SLC38A6: variants seen among roughly 807,000 people sequenced by gnomAD.
SLC38A6 encodes the protein N system amino acid transporter NAT-1.
SLC38A6 carries 73 observed loss-of-function variants against 65.0 expected under a neutral mutation model. That is an observed-to-expected ratio of 1.12 (90% CI 0.93 to 1.37). The LOEUF (loss-of-function observed/expected upper bound fraction) is 1.37. SLC38A6 is among the 40% of genes most tolerant of loss of function. The probability of loss-of-function intolerance (pLI) is 0.00; values close to 1 mark genes in which losing one functional copy is unlikely to be tolerated. For missense variants in SLC38A6, 561 were observed against 531.1 expected, an observed-to-expected ratio of 1.06 and a Z score of -0.55; for synonymous variants, 183 against 178.8, an observed-to-expected ratio of 1.02 and a Z score of -0.19.
chr14:60,997,275 C>T (rs942568820), intron 3 of SLC38A6, among the ~76,000 whole-genome samples: 3 of 152,180 alleles, frequency 2.0e-5, no homozygotes, highest in Admixed American at 6.5e-5. Flanking sequence ...CCTCAGCCTC[C>T]TGAGTAGCTG....
intron 1 of SLC38A6, chr14:60,982,242 A>G: frequency 1.9e-6 from 1 of 514,280 alleles, no homozygotes; most frequent in South Asian, 1.5e-5. Flanking sequence ...TGCAGTCACA[A>G]GGTTAGTCAT....
At chr14:61,044,174 CT>C (rs551556072) in intron 10 of SLC38A6, among the ~76,000 whole-genome samples, 19 of 152,190 alleles carry the variant, frequency 1.2e-4, no homozygotes, top group Non-Finnish European at 1.6e-4. Context: ...TTTGTCTATA[CT>C]TTCTGACTCT....
At position 61,009,334 on chromosome 14, in the gene SLC38A6, C is replaced by G. The variant is rs148121755; in HGVS notation, c.311-6570C>G. Among the ~76,000 whole-genome samples, 773 of 152,194 alleles carry G rather than the reference C, an allele frequency of 5.1e-3. 12 individuals are homozygous for G. Among genetic ancestry groups the G allele is most frequent in the African/African-American group, 0.017 (724 of 41,534 alleles). On this transcript the variant is annotated intron_variant, in intron 3 of 15. Transcript: ENST00000267488. ...AAAATTACATCAATCTGCATGTTGA[C>G]ATTGTTTACCTTATATTGATTAGAA...
At chr14:61,027,820 C>T (rs2040693902) in intron 5 of SLC38A6, among the ~76,000 whole-genome samples, 1 of 151,746 alleles carries the variant, frequency 6.6e-6, no homozygotes, top group Non-Finnish European at 1.5e-5. Flanking sequence ...TGGTGGTGGC[C>T]TTTGTTTTAC....
intron 3 of SLC38A6, among the ~76,000 whole-genome samples, chr14:60,996,999 A>G (rs988787594): frequency 6.6e-6 from 1 of 152,220 alleles, no homozygotes; most frequent in Non-Finnish European, 1.5e-5. Context: ...TATACCCTTT[A>G]CCAAAGTTAG....
intron 3 of SLC38A6, among the ~76,000 whole-genome samples, chr14:61,014,960 G>A (rs563529885): frequency 2.0e-5 from 3 of 152,288 alleles, no homozygotes; most frequent in East Asian, 3.9e-4. Flanking sequence ...CCTTTTGTTT[G>A]GCTATGCCCT....
At chr14:61,016,242 G>A (rs2040000411) in intron 4 of SLC38A6, among the ~76,000 whole-genome samples, 1 of 152,132 alleles carries the variant, frequency 6.6e-6, no homozygotes, top group African/African-American at 2.4e-5. Context: ...ACGATGACCT[G>A]TTTTAAGTTG....
At position 61,052,116 on chromosome 14, in the gene SLC38A6, T is replaced by G. The variant is rs1194692146; in HGVS notation, c.1271T>G (p.Leu424Arg). 6.4e-7 allele frequency: 1 copy of G among 1,564,008 alleles called. No homozygotes were observed. Among genetic ancestry groups the G allele is most frequent in the Non-Finnish European group, 8.6e-7 (1 of 1,166,358 alleles). ...FYLKLSREDFLSWKKLGAFVL... is the reference protein window; with the variant it reads ...FYLKLSREDFRSWKKLGAFVL... ...CTTAAACTTAGCAGAGAGGATTTTC[T>G]GTCATGGAAAAAGCTTGGGGTAGGT... Residue 424 changes from leucine to arginine, a missense_variant, in exon 15 of 16, where the codon CTG becomes CGG. Physicochemically the swap from Leu to Arg is moderately radical, Grantham distance 102. Transcript: ENST00000267488.
chr14:61,075,227 T>C (rs1182662570), intron 15 of SLC38A6, among the ~76,000 whole-genome samples: 1 of 152,360 alleles, frequency 6.6e-6, no homozygotes, highest in East Asian at 1.9e-4. Flanking sequence ...TGCCTGTCTC[T>C]GTCTCCTGAA....
At chr14:61,035,635 A>G (rs2041304798) in intron 6 of SLC38A6, among the ~76,000 whole-genome samples, 1 of 152,174 alleles carries the variant, frequency 6.6e-6, no homozygotes, top group Non-Finnish European at 1.5e-5. Context: ...TATGAAGTCC[A>G]GTTGTGCCAC....
At position 61,052,050 on chromosome 14, in the gene SLC38A6, C is replaced by A. The variant is rs952846667; in HGVS notation, c.1205C>A (p.Thr402Lys). 1.3e-6 allele frequency: 2 copies of A among 1,596,458 alleles called. No homozygotes were observed. The highest frequency in any genetic ancestry group is 1.7e-6 in the Non-Finnish European group (2 of 1,175,072). ...TCCCTCCACTTTAAAGGTGCCAGTA[C>A]ATCAACATGTTTGATTTTTATATTC... ...RNVFGVVGAS[T>K]STCLIFIFPG... Residue 402 changes from threonine (T) to lysine (K), a missense_variant, in exon 15 of 16, where the codon ACA (threonine) becomes AAA (lysine). Coordinates refer to ENST00000267488, the MANE Select transcript of SLC38A6 (RefSeq NM_153811.3).
chr14:60,981,497 T>G, intron 1 of SLC38A6, 115 bp downstream of exon 1: 1 of 1,535,698 alleles, frequency 6.5e-7, no homozygotes, highest in Non-Finnish European at 8.7e-7. Flanking sequence ...TGCTGGAGCC[T>G]GAACCCTGGG....
chr14:61,048,353 G>T (rs891644334), intron 12 of SLC38A6: 6 of 331,530 alleles, frequency 1.8e-5, no homozygotes, highest in Non-Finnish European at 3.6e-5. Context: ...GATAATCTTT[G>T]TAAACTTAAT....
chr14:61,081,950 A>C (rs2043668977), intron 16 of SLC38A6, among the ~76,000 whole-genome samples: 1 of 152,114 alleles, frequency 6.6e-6, no homozygotes, highest in Non-Finnish European at 1.5e-5. Flanking sequence ...TGGTATCGGT[A>C]ACATGGGAGA....
At chr14:61,047,182 T>C (rs1482842520) in intron 12 of SLC38A6, among the ~76,000 whole-genome samples, 1 of 152,130 alleles carries the variant, frequency 6.6e-6, no homozygotes, top group Non-Finnish European at 1.5e-5. Flanking sequence ...CTGACCTCCT[T>C]CTTCTCCCTA....
intron 5 of SLC38A6, among the ~76,000 whole-genome samples, chr14:61,026,321 C>T (rs573576825): frequency 6.6e-5 from 10 of 152,006 alleles, no homozygotes; most frequent in Non-Finnish European, 1.2e-4. Context: ...ACTTCCTCTT[C>T]AGAACTACAA....
At chr14:60,986,558 T>C (rs1338120999) in intron 3 of SLC38A6, among the ~76,000 whole-genome samples, 1 of 152,228 alleles carries the variant, frequency 6.6e-6, no homozygotes, top group African/African-American at 2.4e-5. Flanking sequence ...ATGAAAATAC[T>C]AGGAAGCAGT....
At chr14:61,015,662 G>A (rs891379533) in intron 3 of SLC38A6, among the ~76,000 whole-genome samples, 8 of 152,188 alleles carry the variant, frequency 5.3e-5, no homozygotes, top group Non-Finnish European at 7.3e-5. Flanking sequence ...GGAAATGAAA[G>A]ATTTGATGAA....
chr14:61,013,783 G>C (rs1427249912), intron 3 of SLC38A6, among the ~76,000 whole-genome samples: 1 of 152,100 alleles, frequency 6.6e-6, no homozygotes, highest in Non-Finnish European at 1.5e-5. Context: ...TCCCATTGTG[G>C]GTAACCCGAC....
Sources: allele counts gnomAD v4.1 joint callset (sites outside exome capture counted in the v4.1 genomes callset), GRCh38; gene constraint gnomAD v4.1.1; transcripts MANE v1.5; gene names NCBI Gene and HGNC (gene_info 2026-07-23, HGNC 2026-07-21).